The following JCAD variants were observed in gnomAD, a reference collection of about 807,000 sequenced individuals.
JCAD encodes the protein junctional cadherin 5 associated.
Under a neutral mutation model 98.0 loss-of-function variants are expected in JCAD, and 40 were observed. The observed-to-expected ratio is 0.41, with a 90% CI of 0.32 to 0.53. JCAD has a LOEUF of 0.53. Ranked by LOEUF, JCAD falls within the 20% of genes least tolerant of loss-of-function variation. The pLI, the probability that JCAD is intolerant of heterozygous loss-of-function variation, is 0.31. For missense variants in JCAD, 1,705 were observed against 1,738.1 expected (o/e 0.98, Z 0.34); for synonymous variants, 691 against 682.3 (o/e 1.01, Z -0.20).
intron 1 of JCAD, among the ~76,000 whole-genome samples, chr10:30,106,184 A>T (rs921107596): frequency 3.3e-5 from 5 of 152,162 alleles, no homozygotes; most frequent in African/African-American, 1.2e-4. Flanking sequence ...GCACTTTGGG[A>T]TGCTGAGATG....
chr10:30,019,980 T>A (rs1457453749), intron 3 of JCAD, among the ~76,000 whole-genome samples: 1 of 142,960 alleles, frequency 7.0e-6, no homozygotes, highest in African/African-American at 2.7e-5. Flanking sequence ...TCAAAAAAGG[T>A]GATTCACTTA....
intron 1 of JCAD, among the ~76,000 whole-genome samples, chr10:30,106,356 AG>A (rs1185020086): frequency 6.6e-6 from 1 of 152,110 alleles, no homozygotes. Context: ...GCTTGAGCCC[AG>A]GAGTTGGAGA....
intron 1 of JCAD, among the ~76,000 whole-genome samples, chr10:30,113,972 A>G (rs1838750676): frequency 6.6e-6 from 1 of 152,126 alleles, no homozygotes; most frequent in African/African-American, 2.4e-5. Context: ...AGCCTCGTAA[A>G]GGTTGGGTGC....
intron 1 of JCAD, among the ~76,000 whole-genome samples, chr10:30,056,597 CA>C (rs1837574148): frequency 1.3e-5 from 2 of 151,074 alleles, no homozygotes; most frequent in Admixed American, 1.3e-4. Context: ...CATTTACATA[CA>C]GAAAAAACAA....
chr10:30,027,055 C>T lies in JCAD; in HGVS notation c.3093G>A (p.Gly1031=), dbSNP rs1564441969. The T allele has an allele frequency of 1.2e-6, 2 of 1,614,174 alleles. No homozygotes were observed. The highest frequency in any genetic ancestry group is 1.7e-6 in the Non-Finnish European group (2 of 1,180,014). The change falls in exon 3 of 4, where the codon GGG becomes GGA. Residue 1031 remains glycine (G), a synonymous_variant. Transcript: ENST00000375377. ...KFDSGGERGA[G]LPLSLSNKNR... is the part of the protein sequence containing the mutation. ...TCTTGTTAGACAGGGACAGTGGGAG[C>T]CCTGCCCCCCTCTCTCCACCACTGT...
intron 2 of JCAD, among the ~76,000 whole-genome samples, chr10:30,035,042 C>T (rs766288597): frequency 4.6e-5 from 7 of 152,216 alleles, no homozygotes; most frequent in East Asian, 1.9e-4. Flanking sequence ...GTGGCTTTGA[C>T]GCGTTTTTCT....
intron 2 of JCAD, among the ~76,000 whole-genome samples, chr10:30,032,522 G>C (rs1837023932): frequency 6.6e-6 from 1 of 152,196 alleles, no homozygotes; most frequent in African/African-American, 2.4e-5. Context: ...CAACAGTTTT[G>C]ATTAACCATG....
chr10:30,040,912 C>T (rs1175029079), intron 2 of JCAD, among the ~76,000 whole-genome samples: 1 of 152,182 alleles, frequency 6.6e-6, no homozygotes, highest in African/African-American at 2.4e-5. Context: ...TCTTAGCTCT[C>T]AGACTCATCC....
chr10:30,029,235 T>G lies in JCAD; in HGVS notation c.913A>C (p.Arg305=). The G allele has an allele frequency of 6.2e-7, 1 of 1,614,102 alleles. No homozygotes were observed. Among genetic ancestry groups the G allele is most frequent in the Non-Finnish European group, 8.5e-7 (1 of 1,180,022 alleles). ...GAGTCACTGCTGTCCGCTCCTCCCCTAGACTGCTGGTGCGAGCTGTAAGAT... is the reference window on the plus strand; with the variant it reads ...GAGTCACTGCTGTCCGCTCCTCCCCGAGACTGCTGGTGCGAGCTGTAAGAT... ...PPSYSSHQQS[R]GGADSSDSQD... is the part of the protein sequence containing the mutation. The change falls in exon 3 of 4, where the codon AGG becomes CGG. Residue 305 remains arginine, a synonymous_variant. Coordinates refer to ENST00000375377, the MANE Select transcript of JCAD (RefSeq NM_020848.4).
chr10:30,047,058 G>A (rs1837351573), intron 2 of JCAD, among the ~76,000 whole-genome samples: 1 of 152,186 alleles, frequency 6.6e-6, no homozygotes. Context: ...CTGCACTCCA[G>A]CCTGGGCAAC....
intron 3 of JCAD, among the ~76,000 whole-genome samples, chr10:30,018,959 G>A (rs562264849): frequency 1.3e-5 from 2 of 152,276 alleles, no homozygotes; most frequent in Non-Finnish European, 2.9e-5. Flanking sequence ...TATCTGCACT[G>A]CAGCATTATT....
At chr10:30,069,103 T>A (rs907497322) in intron 2 of JCAD, among the ~76,000 whole-genome samples, 2 of 152,126 alleles carry the variant, frequency 1.3e-5, no homozygotes, top group African/African-American at 4.8e-5. Flanking sequence ...ACAAATCAGT[T>A]TTTCCGTTGA....
chr10:30,054,157 G>A (rs143506359), intron 1 of JCAD, among the ~76,000 whole-genome samples: 5 of 152,160 alleles, frequency 3.3e-5, no homozygotes, highest in Non-Finnish European at 5.9e-5. Flanking sequence ...GGAAATGCTC[G>A]TGATACCACG....
intron 1 of JCAD, among the ~76,000 whole-genome samples, chr10:30,110,165 A>T (rs1394959610): frequency 6.8e-6 from 1 of 148,126 alleles, no homozygotes. Flanking sequence ...TGTGCAGCTG[A>T]TGTATGGACC....
intron 1 of JCAD, among the ~76,000 whole-genome samples, chr10:30,054,009 C>T (rs1837519903): frequency 6.6e-6 from 1 of 152,174 alleles, no homozygotes; most frequent in South Asian, 2.1e-4. Flanking sequence ...TTGCAGTGAG[C>T]CGAGATCGTG....
At chr10:30,051,583 C>T (rs1249649940) in intron 1 of JCAD, among the ~76,000 whole-genome samples, 2 of 151,942 alleles carry the variant, frequency 1.3e-5, no homozygotes, top group African/African-American at 4.8e-5. Context: ...AAAAAAAGTC[C>T]TATATAGAAA....
chr10:30,025,239 C>T (rs12785207), intron 3 of JCAD, among the ~76,000 whole-genome samples: 11,253 of 151,484 alleles, frequency 0.074, 575 homozygotes, highest in African/African-American at 0.14. Context: ...TGGACTGGGC[C>T]GGGCTCAGTG....
Position 30,029,516 on chromosome 10 carries a change from A to G in JCAD, c.632T>C (p.Leu211Pro). 1 of 1,614,204 alleles carries G rather than the reference A, an allele frequency of 6.2e-7. No homozygotes were observed. The highest frequency in any genetic ancestry group is 8.5e-7 in the Non-Finnish European group (1 of 1,180,036). ...DGDGERLFQDLYPFIQGEHVL... is the reference protein window; with the variant it reads ...DGDGERLFQDPYPFIQGEHVL... ...ATGTTCTCCTTGAATGAATGGGTAC[A>G]GGTCTTGAAACAGTCTCTCCCCATC... Residue 211 changes from leucine (L) to proline (P), a missense_variant, in exon 3 of 4, where the codon CTG (leucine) becomes CCG (proline). Transcript: ENST00000375377.
chr10:30,019,555 A>AG (rs1836614213), intron 3 of JCAD, among the ~76,000 whole-genome samples: 1 of 151,500 alleles, frequency 6.6e-6, no homozygotes, highest in African/African-American at 2.4e-5. Context: ...ATCATTTAAA[A>AG]AAAAAAAAAA....
Sources: allele counts gnomAD v4.1 joint callset (sites outside exome capture counted in the v4.1 genomes callset), GRCh38; gene constraint gnomAD v4.1.1; transcripts MANE v1.5; gene names NCBI Gene and HGNC (gene_info 2026-07-23, HGNC 2026-07-21).